The following CACNA1C variants were observed in gnomAD, a reference collection of about 807,000 sequenced individuals.
CACNA1C encodes voltage-dependent L-type calcium channel subunit alpha-1C.
Under a neutral mutation model 229.0 loss-of-function variants are expected in CACNA1C, and 30 were observed. That is an observed-to-expected ratio of 0.13 (90% CI 0.10 to 0.18). CACNA1C has a LOEUF of 0.18. Ranked by LOEUF, CACNA1C falls within the 10% of genes least tolerant of loss-of-function variation. The pLI, the probability that CACNA1C is intolerant of heterozygous loss-of-function variation, is 1.00. For missense variants in CACNA1C, 1,658 were observed against 2,845.0 expected (o/e 0.58, Z 9.49); for synonymous variants, 1,114 against 1,132.5 (o/e 0.98, Z 0.33).
At chr12:2,315,531 G>T (rs2095645187) in intron 3 of CACNA1C, among the ~76,000 whole-genome samples, 1 of 152,138 alleles carries the variant, frequency 6.6e-6, no homozygotes, top group Non-Finnish European at 1.5e-5. Context: ...GCTCTAGCAG[G>T]CCTTTAACCA....
In CACNA1C at chr12:2,608,745, G is replaced by A. The variant is rs1241333945; in HGVS notation, c.3558+33G>A. 3 of 1,608,288 alleles carry A rather than the reference G, an allele frequency of 1.9e-6. No homozygotes were observed. Among genetic ancestry groups the A allele is most frequent in the Admixed American group, 3.4e-5 (2 of 59,450 alleles). ...CCTAGGAAGGAGCGGAGGGAAGCGGGGCCCACGGAGGGAATGGCAGCCTGC... is the reference window on the plus strand; with the variant it reads ...CCTAGGAAGGAGCGGAGGGAAGCGGAGCCCACGGAGGGAATGGCAGCCTGC... On this transcript the variant is annotated intron_variant, in intron 27 of 46. Transcript: ENST00000399655. The surrounding 1 kb of genome is among the most constrained non-coding windows in gnomAD (Gnocchi z 4.2).
chr12:2,058,310 T>C (rs1341022074), intron 1 of CACNA1C, among the ~76,000 whole-genome samples: 1 of 152,232 alleles, frequency 6.6e-6, no homozygotes, highest in Non-Finnish European at 1.5e-5. Context: ...TCTTCCTTGC[T>C]GGGACCCTGA....
At chr12:2,028,000 T>G (rs997745494) in intron 1 of CACNA1C, among the ~76,000 whole-genome samples, 3 of 152,172 alleles carry the variant, frequency 2.0e-5, no homozygotes, top group African/African-American at 7.2e-5. Context: ...CTTGGTATGA[T>G]CCCCTCATGC....
chr12:2,050,469 C>T (rs887736206), upstream of CACNA1C, among the ~76,000 whole-genome samples: 9 of 152,264 alleles, frequency 5.9e-5, no homozygotes, highest in Admixed American at 2.0e-4. Flanking sequence ...GTAGTGTTAG[C>T]TATTATTATT....
intron 29 of CACNA1C, among the ~76,000 whole-genome samples, chr12:2,627,333 A>C (rs1384597422): frequency 6.6e-6 from 1 of 152,054 alleles, no homozygotes; most frequent in Non-Finnish European, 1.5e-5. Flanking sequence ...GGTGTAATAC[A>C]ATTTATATTA....
At chr12:2,014,558 G>A (rs1565926584) in intron 1 of CACNA1C, among the ~76,000 whole-genome samples, 1 of 152,168 alleles carries the variant, frequency 6.6e-6, no homozygotes, top group Non-Finnish European at 1.5e-5. Flanking sequence ...GGGGAAAATG[G>A]ACACATAAGC....
chr12:2,492,144 A>G (rs993524132), intron 6 of CACNA1C, among the ~76,000 whole-genome samples: 2 of 152,208 alleles, frequency 1.3e-5, no homozygotes, highest in African/African-American at 2.4e-5. Flanking sequence ...GTTACCTTCC[A>G]TAGCCAGAGC....
intron 9 of CACNA1C, among the ~76,000 whole-genome samples, chr12:2,546,800 T>A (rs927916997): frequency 6.6e-6 from 1 of 152,202 alleles, no homozygotes; most frequent in Non-Finnish European, 1.5e-5. Flanking sequence ...CAGACACATA[T>A]ATGTTTTGGA....
chr12:2,311,120 G>T (rs1465678506), intron 3 of CACNA1C, among the ~76,000 whole-genome samples: 2 of 152,208 alleles, frequency 1.3e-5, no homozygotes, highest in East Asian at 3.9e-4. Context: ...CCAGCTTGGG[G>T]CTTTCCTGAC....
intron 3 of CACNA1C, among the ~76,000 whole-genome samples, chr12:2,149,751 T>A (rs2095061410): frequency 6.6e-6 from 1 of 152,106 alleles, no homozygotes; most frequent in Non-Finnish European, 1.5e-5. Flanking sequence ...GTAAGGAAGA[T>A]CAGCTCTCAC....
intron 3 of CACNA1C, among the ~76,000 whole-genome samples, chr12:2,335,563 T>C (rs975807887): frequency 2.0e-5 from 3 of 152,214 alleles, no homozygotes; most frequent in Admixed American, 1.3e-4. Context: ...CTCCCTCCTG[T>C]CCCTGGAAGG....
At chr12:2,120,296 G>T in intron 2 of CACNA1C, 29 bp from the exon 3 acceptor site, 1 of 994,636 alleles carries the variant, frequency 1.0e-6, no homozygotes, top group Non-Finnish European at 1.6e-6. Context: ...ACTTTCTGTG[G>T]CATTAACTTC....
At chr12:2,334,345 G>T (rs2096631682) in intron 3 of CACNA1C, among the ~76,000 whole-genome samples, 1 of 152,222 alleles carries the variant, frequency 6.6e-6, no homozygotes, top group African/African-American at 2.4e-5. Flanking sequence ...CAGGGAAAAG[G>T]TTGCCATGGG....
At chr12:2,284,213 G>T (rs1251856844) in intron 3 of CACNA1C, among the ~76,000 whole-genome samples, 1 of 152,094 alleles carries the variant, frequency 6.6e-6, no homozygotes, top group East Asian at 1.9e-4. Context: ...GGGGGAGTGG[G>T]GTAAGCTGGG....
intron 3 of CACNA1C, among the ~76,000 whole-genome samples, chr12:2,191,557 C>T (rs2097213185): frequency 6.6e-6 from 1 of 152,154 alleles, no homozygotes; most frequent in South Asian, 2.1e-4. Context: ...CACATTCACT[C>T]ACATGCACTC....
At position 2,031,853 on chromosome 12, in the gene CACNA1C, A is replaced by G. The variant is rs540831229; in HGVS notation, c.139+60652A>G. ...CGAGAATACTGGCCTCCTGAGCAAC[A>G]GTGGCAGGATCTCAGGAGAGAGAGG... is the stretch of plus-strand genomic sequence containing the variant. On this transcript the variant is annotated intron_variant, in intron 1 of 46. Transcript: ENST00000682462. 2.2e-3 allele frequency among the ~76,000 whole-genome samples: 342 copies of G among 152,270 alleles called. 1 individual carries two copies. Among genetic ancestry groups the G allele is most frequent in the Non-Finnish European group, 3.8e-3 (256 of 68,008 alleles).
intron 1 of CACNA1C, among the ~76,000 whole-genome samples, chr12:1,996,616 TAAAAAAAAAAAAAAAAAAAAAAA>T (rs78563698): frequency 2.7e-4 from 5 of 18,832 alleles, no homozygotes; most frequent in South Asian, 2.8e-3. Flanking sequence ...GCTGATGAGC[TAAAAAAAAAAAAAAAAAAAAAAA>T]AAAAAAAAAA....
At chr12:2,422,110 G>A (rs2098985241) in intron 3 of CACNA1C, among the ~76,000 whole-genome samples, 1 of 152,140 alleles carries the variant, frequency 6.6e-6, no homozygotes, top group Non-Finnish European at 1.5e-5. Flanking sequence ...GAAACAAAAT[G>A]CGGCCCATTC....
At chr12:2,514,668 C>T (rs2099792364) in intron 9 of CACNA1C, among the ~76,000 whole-genome samples, 1 of 152,124 alleles carries the variant, frequency 6.6e-6, no homozygotes, top group African/African-American at 2.4e-5. Context: ...ACTGGTGCTA[C>T]CTTGTGACTG....
Sources: allele counts gnomAD v4.1 joint callset (sites outside exome capture counted in the v4.1 genomes callset), GRCh38; gene constraint gnomAD v4.1.1; non-coding constraint Gnocchi (gnomAD v3.1); transcripts MANE v1.5; gene names NCBI Gene and HGNC (gene_info 2026-07-23, HGNC 2026-07-21).